The following MID1 variants were observed in gnomAD, a reference collection of about 807,000 sequenced individuals.
MID1 encodes the protein E3 ubiquitin-protein ligase Midline-1.
MID1 carries 7 observed loss-of-function variants against 40.4 expected under a neutral mutation model. The observed-to-expected ratio is 0.17, with a 90% CI of 0.10 to 0.33. The LOEUF (loss-of-function observed/expected upper bound fraction) is 0.33, where lower values mean the gene tolerates loss of function less well. MID1 is among the 10% of genes least tolerant of loss of function. MID1 has a pLI of 1.00. For synonymous variants in MID1, 229 were observed against 221.2 expected, an observed-to-expected ratio of 1.04 and a Z score of -0.31; for missense variants, 367 against 558.5, an observed-to-expected ratio of 0.66 and a Z score of 3.46.
In MID1 at chrX:10,474,509, C is replaced by T. The variant is rs1243506243; in HGVS notation, c.1141+114G>A. 1.6e-5 allele frequency: 12 copies of T among 760,553 alleles called. No individual in the cohort carries two copies. In the African/African-American group the frequency reaches 2.5e-4, roughly 16 times the overall value. The allele number at this position is 760,553 out of a possible 1,213,427, so 62.7% of individuals were successfully genotyped here. A position where few individuals can be genotyped will look rare whatever the true frequency, so the allele number is the denominator to read the frequency against. ...GAAATTGTTTATGGAAATATCAGTG[C>T]CATTCCTAGGTCAAAAGCCCATTCC... On this transcript the variant is annotated intron_variant, in intron 6 of 9. Coordinates refer to ENST00000317552, the MANE Select transcript of MID1 (RefSeq NM_000381.4).
intron 1 of MID1, among the ~76,000 whole-genome samples, chrX:10,754,686 G>A (rs748917798): frequency 2.7e-5 from 3 of 110,960 alleles, no homozygotes; most frequent in African/African-American, 6.6e-5. Flanking sequence ...GCGATTAGCC[G>A]GGTGTGTGGG....
chrX:10,763,993 A>G (rs748611621), intron 1 of MID1, among the ~76,000 whole-genome samples: 6,032 of 110,872 alleles, frequency 0.054, 477 homozygotes, highest in African/African-American at 0.19. Context: ...CATATCCTTC[A>G]CCCACTTGTT....
In MID1 at chrX:10,697,209, C is replaced by T. The variant is rs761436459; in HGVS notation, c.-186-76790G>A. 2.2e-3 allele frequency among the ~76,000 whole-genome samples: 247 copies of T among 111,341 alleles called. 2 individuals carry two copies. The highest frequency in any genetic ancestry group is 7.3e-3 in the African/African-American group (224 of 30,631). ...CTCCAAGAAGTAGAAACAAAGGATT[C>T]GCAGGGCTACTCTCAGTGGGTGAAA... On this transcript the variant is annotated intron_variant, in intron 1 of 10. Transcript: ENST00000380785.
At chrX:10,517,702 C>T (rs1932518880) in intron 3 of MID1, among the ~76,000 whole-genome samples, 1 of 112,204 alleles carries the variant, frequency 8.9e-6, no homozygotes, top group African/African-American at 3.2e-5. Context: ...GCTTTGTGTA[C>T]ATACATTCCT....
intron 5 of MID1, among the ~76,000 whole-genome samples, chrX:10,479,666 C>A (rs1158577034): frequency 8.9e-6 from 1 of 112,202 alleles, no homozygotes; most frequent in Non-Finnish European, 1.9e-5. Flanking sequence ...TTGCAAATAA[C>A]TAGATCTCAT....
chrX:10,589,584 T>TA (rs1935230530), intron 1 of MID1: 1 of 111,594 alleles, frequency 9.0e-6, no homozygotes, highest in South Asian at 3.9e-4. Flanking sequence ...AGACTAGTCT[T>TA]ACCAAGTTTT....
At chrX:10,812,258 G>A (rs1037539630) in intron 1 of MID1, among the ~76,000 whole-genome samples, 9 of 111,253 alleles carry the variant, frequency 8.1e-5, no homozygotes, top group Non-Finnish European at 1.5e-4. Context: ...ATCTCTAGGC[G>A]ACAAAACTTG....
chrX:10,602,903 A>C (rs1216511464), intron 1 of MID1, among the ~76,000 whole-genome samples: 1 of 112,332 alleles, frequency 8.9e-6, no homozygotes, highest in Non-Finnish European at 1.9e-5. Flanking sequence ...CATGCCTCTC[A>C]GTTTCAGATC....
chrX:10,513,541 C>T (rs1932259347), intron 3 of MID1, among the ~76,000 whole-genome samples: 1 of 112,302 alleles, frequency 8.9e-6, no homozygotes, highest in Admixed American at 9.4e-5. Flanking sequence ...CAGAGTCTGG[C>T]TCTATTGCCC....
At chrX:10,596,203 T>C (rs902317733) in intron 1 of MID1, among the ~76,000 whole-genome samples, 1 of 111,860 alleles carries the variant, frequency 8.9e-6, no homozygotes, top group Admixed American at 9.5e-5. Context: ...CAGTTCTGTC[T>C]TAGAAGGACT....
chrX:10,809,603 A>C (rs944690946), intron 1 of MID1, among the ~76,000 whole-genome samples: 8 of 111,628 alleles, frequency 7.2e-5, no homozygotes, highest in African/African-American at 2.6e-4. Flanking sequence ...CAGCCATAAA[A>C]AAGGATGAGT....
intron 1 of MID1, among the ~76,000 whole-genome samples, chrX:10,722,306 C>T (rs1309609430): frequency 8.9e-6 from 1 of 111,834 alleles, no homozygotes; most frequent in Non-Finnish European, 1.9e-5. Context: ...AAATTTGAGT[C>T]TCAAAAATGC....
chrX:10,605,780 C>T (rs1935614094), intron 1 of MID1, among the ~76,000 whole-genome samples: 2 of 111,810 alleles, frequency 1.8e-5, no homozygotes, highest in Non-Finnish European at 3.8e-5. Context: ...AACTCATATA[C>T]TTCCAAGAGG....
rs7884543 is a variant in MID1 at position 10,581,997 on chromosome X, T to A, written c.-56-14394A>T. 9.4e-3 allele frequency among the ~76,000 whole-genome samples: 1,059 copies of A among 112,131 alleles called. 9 individuals are homozygous for A. The highest frequency in any genetic ancestry group is 0.032 in the African/African-American group (983 of 30,829). ...GTGAAATGTTTCAGATTTTTGCTAT[T>A]TGCCAGTTTCGTTTCATGAATGCTG... On this transcript the variant is annotated intron_variant, in intron 1 of 9. Transcript: ENST00000317552.
intron 2 of MID1, among the ~76,000 whole-genome samples, chrX:10,559,414 G>C (rs1934246724): frequency 8.9e-6 from 1 of 112,520 alleles, no homozygotes; most frequent in Admixed American, 9.4e-5. Flanking sequence ...ACATGTGTCT[G>C]AGTTATTCAC....
At chrX:10,752,732 T>C (rs1468319009) in intron 1 of MID1, among the ~76,000 whole-genome samples, 1 of 111,961 alleles carries the variant, frequency 8.9e-6, no homozygotes, top group Admixed American at 9.5e-5. Flanking sequence ...GACAGGTTTT[T>C]CTACCTCTCT....
chrX:10,585,287 C>T (rs1935114777), intron 1 of MID1, among the ~76,000 whole-genome samples: 1 of 111,072 alleles, frequency 9.0e-6, no homozygotes, highest in South Asian at 3.8e-4. Flanking sequence ...TCTCTCATTT[C>T]CCCCCTTTGA....
intron 7 of MID1, among the ~76,000 whole-genome samples, chrX:10,463,956 T>C (rs1929196514): frequency 8.9e-6 from 1 of 112,278 alleles, no homozygotes; most frequent in Non-Finnish European, 1.9e-5. Context: ...AAATGGATCC[T>C]GTAGGCATTA....
At chrX:10,497,753 A>G (rs1208779932) in intron 3 of MID1, among the ~76,000 whole-genome samples, 1 of 111,875 alleles carries the variant, frequency 8.9e-6, no homozygotes, top group Non-Finnish European at 1.9e-5. Context: ...CTTGAAAAGT[A>G]TCTACTAGAA....
Sources: gnomAD v4.1 joint callset for allele counts (sites outside exome capture counted in the v4.1 genomes callset) on GRCh38, gnomAD v4.1.1 for gene constraint, MANE v1.5 for transcripts, NCBI Gene and HGNC (gene_info 2026-07-23, HGNC 2026-07-21) for gene names.